The following SPHKAP variants were observed in gnomAD, a reference collection of about 807,000 sequenced individuals.
SPHKAP encodes the protein SPHK1 interactor, AKAP domain containing, also known as A-kinase anchor protein SPHKAP.
Under a neutral mutation model 137.5 loss-of-function variants are expected in SPHKAP, and 67 were observed. The ratio of observed to expected loss-of-function variants is 0.49; its 90% CI spans 0.40 to 0.60. The LOEUF is 0.60. Ranked by LOEUF, SPHKAP falls within the 20% of genes least tolerant of loss-of-function variation. The pLI is 0.00. For missense variants in SPHKAP, 2,097 were observed against 2,069.3 expected, an observed-to-expected ratio of 1.01 and a Z score of -0.26; for synonymous variants, 813 against 785.3, an observed-to-expected ratio of 1.04 and a Z score of -0.59.
At chr2:228,171,412 A>T (rs980045180) in intron 1 of SPHKAP, among the ~76,000 whole-genome samples, 3 of 152,140 alleles carry the variant, frequency 2.0e-5, no homozygotes, top group Non-Finnish European at 4.4e-5. Flanking sequence ...CCATTTTCCC[A>T]ACATAGAGAA....
At chr2:228,095,627 G>C (rs1005233902) in intron 3 of SPHKAP, among the ~76,000 whole-genome samples, 1 of 152,062 alleles carries the variant, frequency 6.6e-6, no homozygotes, top group African/African-American at 2.4e-5. Flanking sequence ...CTAGAGAGAA[G>C]AGATAGTATA....
At chr2:227,984,922 G>A (rs958662402) in intron 11 of SPHKAP, among the ~76,000 whole-genome samples, 9 of 152,076 alleles carry the variant, frequency 5.9e-5, no homozygotes, top group East Asian at 1.9e-4. Context: ...TCTGTAAACC[G>A]TGGCTTACGG....
chr2:227,997,636 A>G (rs890025460), intron 7 of SPHKAP, among the ~76,000 whole-genome samples: 3 of 152,216 alleles, frequency 2.0e-5, no homozygotes, highest in Middle Eastern at 3.4e-3. Context: ...CTACCCCTCA[A>G]GCCTCAGCCA....
intron 1 of SPHKAP, among the ~76,000 whole-genome samples, chr2:228,154,512 CTATA>C (rs1559203928): frequency 1.4e-4 from 3 of 22,066 alleles, no homozygotes; most frequent in African/African-American, 3.6e-4. Context: ...CTCTCTCTCT[CTATA>C]TATATATATA....
At chr2:228,084,105 GAAGAA>G (rs1697461851) in intron 3 of SPHKAP, among the ~76,000 whole-genome samples, 1 of 140,362 alleles carries the variant, frequency 7.1e-6, no homozygotes, top group Admixed American at 7.1e-5. Context: ...TAAAAAAGAA[GAAGAA>G]AAAAAAAAAA....
chr2:228,104,002 G>A (rs987150155), intron 3 of SPHKAP, among the ~76,000 whole-genome samples: 9 of 151,770 alleles, frequency 5.9e-5, no homozygotes, highest in Non-Finnish European at 1.2e-4. Flanking sequence ...TAAAGCAAAC[G>A]TGGAAAAATG....
At chr2:228,069,433 TTTTC>T (rs1386439094) in intron 3 of SPHKAP, among the ~76,000 whole-genome samples, 4 of 140,130 alleles carry the variant, frequency 2.9e-5, no homozygotes, top group African/African-American at 8.0e-5. Context: ...TTTTCCTCTT[TTTTC>T]TTTCTTTCTT....
chr2:228,099,597 T>A (rs1698118118), intron 3 of SPHKAP, among the ~76,000 whole-genome samples: 7 of 152,196 alleles, frequency 4.6e-5, no homozygotes, highest in Admixed American at 3.9e-4. Flanking sequence ...TAACACTGAA[T>A]CTATAGACTG....
At chr2:228,044,925 A>G (rs572040026) in intron 3 of SPHKAP, among the ~76,000 whole-genome samples, 166 of 152,304 alleles carry the variant, frequency 1.1e-3, no homozygotes, top group African/African-American at 3.8e-3. Context: ...ACCCCATCAA[A>G]AAGTGGGCAA....
chr2:228,001,866 A>G (rs971095509), intron 7 of SPHKAP, among the ~76,000 whole-genome samples: 2 of 152,046 alleles, frequency 1.3e-5, no homozygotes, highest in South Asian at 2.1e-4. Context: ...GATGGTTTCC[A>G]GCTTCATCCA....
intron 3 of SPHKAP, among the ~76,000 whole-genome samples, chr2:228,058,484 G>A (rs1335552976): frequency 4.6e-5 from 7 of 152,054 alleles, no homozygotes; most frequent in Non-Finnish European, 8.8e-5. Flanking sequence ...AGCCAAACCA[G>A]ACCAACAGTG....
At chr2:228,146,354 G>T (rs753532492) in intron 1 of SPHKAP, among the ~76,000 whole-genome samples, 5 of 152,104 alleles carry the variant, frequency 3.3e-5, no homozygotes, top group Non-Finnish European at 5.9e-5. Context: ...CACCATTATG[G>T]TATTAAACAG....
chr2:228,101,572 C>A (rs1158473888), intron 3 of SPHKAP, among the ~76,000 whole-genome samples: 3 of 152,188 alleles, frequency 2.0e-5, no homozygotes, highest in Admixed American at 6.5e-5. Context: ...TGTGTAGGCA[C>A]TCTTCTAGCA....
intron 4 of SPHKAP, 74 bp downstream of exon 4, chr2:228,027,410 C>A: frequency 6.9e-7 from 1 of 1,450,432 alleles, no homozygotes; most frequent in Non-Finnish European, 9.6e-7. Flanking sequence ...ACAAAATGAG[C>A]ATTATTTACA....
intron 3 of SPHKAP, among the ~76,000 whole-genome samples, chr2:228,065,674 T>C (rs1214699266): frequency 2.6e-5 from 4 of 152,232 alleles, no homozygotes; most frequent in Admixed American, 2.6e-4. Context: ...CTGCTGATGG[T>C]TGTGCAAAGT....
intron 3 of SPHKAP, among the ~76,000 whole-genome samples, chr2:228,031,359 A>G (rs1315065540): frequency 6.6e-6 from 1 of 152,202 alleles, no homozygotes; most frequent in Non-Finnish European, 1.5e-5. Flanking sequence ...AGGCAAACAA[A>G]AATGCCAGGA....
At chr2:228,068,172 G>T (rs920117554) in intron 3 of SPHKAP, among the ~76,000 whole-genome samples, 19 of 152,092 alleles carry the variant, frequency 1.2e-4, no homozygotes, top group African/African-American at 4.6e-4. Context: ...CTTAACCAAA[G>T]AAGTGAAAGA....
At chr2:228,047,482 A>G (rs1048428191) in intron 3 of SPHKAP, among the ~76,000 whole-genome samples, 1 of 151,748 alleles carries the variant, frequency 6.6e-6, no homozygotes, top group Non-Finnish European at 1.5e-5. Context: ...AAAAAAAAAA[A>G]CAAAAAACAA....
intron 1 of SPHKAP, among the ~76,000 whole-genome samples, chr2:228,179,612 T>C (rs2106438893): frequency 6.6e-6 from 1 of 152,326 alleles, no homozygotes; most frequent in Middle Eastern, 3.4e-3. Flanking sequence ...ATTACTACAC[T>C]GATTTGTGGA....
Sources: allele counts gnomAD v4.1 joint callset (sites outside exome capture counted in the v4.1 genomes callset), GRCh38; gene constraint gnomAD v4.1.1; transcripts MANE v1.5; gene names NCBI Gene and HGNC (gene_info 2026-07-23, HGNC 2026-07-21).